GRM5: variants seen among roughly 807,000 people sequenced by gnomAD.
GRM5 encodes glutamate metabotropic receptor 5.
A neutral mutation model predicts 83.1 loss-of-function variants in GRM5; 19 were observed. That is an observed-to-expected ratio of 0.23 (90% CI 0.16 to 0.34). GRM5 has a LOEUF of 0.34. Among genes scored for constraint, GRM5 ranks in the 10% least tolerant of loss-of-function variants. The pLI, the probability that GRM5 is intolerant of heterozygous loss-of-function variation, is 1.00. For missense variants in GRM5, 1,160 were observed against 1,588.3 expected (o/e 0.73, Z 4.58); for synonymous variants, 675 against 633.6 (o/e 1.07, Z -0.98).
chr11:88,979,025 TA>T (rs1429206118), intron 2 of GRM5, among the ~76,000 whole-genome samples: 1 of 152,224 alleles, frequency 6.6e-6, no homozygotes, highest in Admixed American at 6.5e-5. Flanking sequence ...GACCTAGTTT[TA>T]AGAAAAATTC....
chr11:88,677,378 T>C (rs965284334), intron 3 of GRM5, among the ~76,000 whole-genome samples: 1 of 152,116 alleles, frequency 6.6e-6, no homozygotes, highest in Admixed American at 6.6e-5. Context: ...TAGGTAACCT[T>C]AGTCAAGCTG....
At chr11:88,776,210 C>G (rs1233788634) in intron 3 of GRM5, among the ~76,000 whole-genome samples, 2 of 152,086 alleles carry the variant, frequency 1.3e-5, no homozygotes, top group African/African-American at 4.8e-5. Context: ...TTCTTTGTCT[C>G]CTTTGATCTT....
chr11:88,558,813 A>G (rs925269933), intron 8 of GRM5, among the ~76,000 whole-genome samples: 2 of 150,762 alleles, frequency 1.3e-5, no homozygotes, highest in Non-Finnish European at 3.0e-5. Flanking sequence ...AAAAAAAAAA[A>G]AAAAAAAAAA....
chr11:88,879,571 A>G (rs1180844988), intron 2 of GRM5, among the ~76,000 whole-genome samples: 1 of 152,054 alleles, frequency 6.6e-6, no homozygotes, highest in East Asian at 1.9e-4. Flanking sequence ...TGAGAAATCT[A>G]CCTGTAACCA....
chr11:88,548,540 T>C (rs930307322), intron 8 of GRM5, among the ~76,000 whole-genome samples: 1 of 152,178 alleles, frequency 6.6e-6, no homozygotes, highest in African/African-American at 2.4e-5. Flanking sequence ...GACATAGTCT[T>C]TAATAGCTCC....
intron 3 of GRM5, among the ~76,000 whole-genome samples, chr11:88,839,608 T>C (rs1944159864): frequency 6.6e-6 from 1 of 152,194 alleles, no homozygotes; most frequent in Non-Finnish European, 1.5e-5. Context: ...TTTTCATGAT[T>C]ATAAATTACA....
chr11:89,014,095 CACACATACATAT>C (rs1449142484), intron 2 of GRM5, among the ~76,000 whole-genome samples: 2 of 152,152 alleles, frequency 1.3e-5, no homozygotes, highest in African/African-American at 4.8e-5. Flanking sequence ...TTATCATATG[CACACATACATAT>C]ACACAAACAT....
At chr11:88,932,098 G>T (rs990387655) in intron 2 of GRM5, among the ~76,000 whole-genome samples, 7 of 152,140 alleles carry the variant, frequency 4.6e-5, no homozygotes, top group Non-Finnish European at 8.8e-5. Flanking sequence ...GTTTTATTGG[G>T]TGTATAGACC....
At chr11:88,735,998 AC>A (rs1338084030) in intron 3 of GRM5, among the ~76,000 whole-genome samples, 1 of 152,050 alleles carries the variant, frequency 6.6e-6, no homozygotes, top group Non-Finnish European at 1.5e-5. Context: ...CAGAGTTACA[AC>A]ACTTCTGAGC....
chr11:88,588,622 AATATTT>A (rs1403982938), intron 7 of GRM5, among the ~76,000 whole-genome samples: 1 of 152,118 alleles, frequency 6.6e-6, no homozygotes, highest in African/African-American at 2.4e-5. Flanking sequence ...TTATTTGCTA[AATATTT>A]ATATTTATAA....
intron 2 of GRM5, among the ~76,000 whole-genome samples, chr11:88,917,833 A>G (rs1173543741): frequency 1.3e-5 from 2 of 152,182 alleles, no homozygotes; most frequent in African/African-American, 4.8e-5. Flanking sequence ...TACAAGATTT[A>G]TAAAATAGCA....
intron 6 of GRM5, among the ~76,000 whole-genome samples, chr11:88,592,188 A>G (rs1937655518): frequency 6.6e-6 from 1 of 152,208 alleles, no homozygotes; most frequent in Non-Finnish European, 1.5e-5. Context: ...GTAGTTGTGC[A>G]GCCTTGAGTA....
In GRM5 at chr11:88,509,278, C is replaced by A; in HGVS notation, c.2953G>T (p.Ala985Ser). The change falls in exon 10 of 10, where the codon GCC (alanine) becomes TCC (serine). Residue 985 changes from alanine to serine, a missense_variant. Transcript: ENST00000305447. ...GATGGAGCAG[A>S]GPGGPESPDA... ...GGGGACTCGGGCCCGCCTGGGCCGG[C>A]GCCTGCGCAGCCCGCACCGCCCGTG... The A allele has an allele frequency of 6.8e-7, 1 of 1,465,698 alleles. No homozygotes were observed. Among genetic ancestry groups the A allele is most frequent in the Non-Finnish European group, 9.0e-7 (1 of 1,113,932 alleles). The allele number at this position is 1,465,698 out of a possible 1,614,324, so 90.8% of individuals were successfully genotyped here.
intron 4 of GRM5, among the ~76,000 whole-genome samples, chr11:88,642,443 A>G (rs1376675616): frequency 6.6e-6 from 1 of 152,142 alleles, no homozygotes; most frequent in East Asian, 1.9e-4. Context: ...TTAGTTGGGC[A>G]AATATCTCTA....
intron 8 of GRM5, among the ~76,000 whole-genome samples, chr11:88,527,078 C>A (rs1941896556): frequency 6.6e-6 from 1 of 152,040 alleles, no homozygotes; most frequent in East Asian, 1.9e-4. Context: ...CAAGAAAATA[C>A]CTTAGAAGTA....
intron 2 of GRM5, among the ~76,000 whole-genome samples, chr11:88,865,299 A>T (rs1944642952): frequency 6.6e-6 from 1 of 152,188 alleles, no homozygotes; most frequent in Admixed American, 6.5e-5. Flanking sequence ...GACAAAAACA[A>T]GCAATGGGGA....
intron 3 of GRM5, among the ~76,000 whole-genome samples, chr11:88,699,345 C>T (rs1393837550): frequency 6.6e-6 from 1 of 152,098 alleles, no homozygotes; most frequent in African/African-American, 2.4e-5. Flanking sequence ...TGAGAGTTTC[C>T]AAACTTCTCC....
At chr11:88,834,989 CT>C (rs1944066852) in intron 3 of GRM5, among the ~76,000 whole-genome samples, 1 of 152,118 alleles carries the variant, frequency 6.6e-6, no homozygotes, top group Non-Finnish European at 1.5e-5. Flanking sequence ...TTTTCCCCCC[CT>C]GCAGTTTCAG....
intron 4 of GRM5, among the ~76,000 whole-genome samples, chr11:88,608,742 G>C (rs188744853): frequency 6.6e-6 from 1 of 151,834 alleles, no homozygotes; most frequent in African/African-American, 2.4e-5. Flanking sequence ...GGATGGTCTC[G>C]ATCTCCTGAC....
Sources: allele counts gnomAD v4.1 joint callset (sites outside exome capture counted in the v4.1 genomes callset), GRCh38; gene constraint gnomAD v4.1.1; transcripts MANE v1.5; gene names NCBI Gene and HGNC (gene_info 2026-07-23, HGNC 2026-07-21).